ARHGEF17: variants seen among roughly 807,000 people sequenced by gnomAD.
ARHGEF17 encodes the protein Rho guanine nucleotide exchange factor 17, also known as 164 kDa Rho-specific guanine-nucleotide exchange factor.
In ARHGEF17, 80 loss-of-function variants were observed where a neutral mutation model predicts 174.0. That is an observed-to-expected ratio of 0.46 (90% CI 0.38 to 0.55). The LOEUF (loss-of-function observed/expected upper bound fraction) is 0.55, where lower values mean the gene tolerates loss of function less well. Among genes scored for constraint, ARHGEF17 ranks in the 20% least tolerant of loss-of-function variants. The pLI, the probability that ARHGEF17 is intolerant of heterozygous loss-of-function variation, is 0.00. For synonymous variants in ARHGEF17, 1,311 were observed against 1,189.1 expected, an observed-to-expected ratio of 1.10 and a Z score of -2.11; for missense variants, 2,886 against 2,839.7, an observed-to-expected ratio of 1.02 and a Z score of -0.37.
At chr11:73,322,859 G>A (rs1865038049) in intron 1 of ARHGEF17, among the ~76,000 whole-genome samples, 1 of 152,168 alleles carries the variant, frequency 6.6e-6, no homozygotes, top group African/African-American at 2.4e-5. Flanking sequence ...ACATGAGGGT[G>A]CGGGAACATG....
chr11:73,309,823 C>T lies in ARHGEF17; in HGVS notation c.1185C>T (p.Ser395=), dbSNP rs1254260240. Residue 395 remains serine, a synonymous_variant, in exon 1 of 21, where the codon AGC becomes AGT. Transcript: ENST00000263674. ...CCCGCGGTAGCAGCCGTTATTCCAG[C>T]ACGGAGACCCTCAAGGACGACGACC... ...AGSRGSSRYS[S]TETLKDDDLW... 5 of 1,613,072 alleles carry T rather than the reference C, an allele frequency of 3.1e-6. No homozygotes were observed. In the African/African-American group the frequency reaches 6.7e-5, roughly 22 times the overall value.
At chr11:73,336,895 C>T (rs1176920122) in intron 1 of ARHGEF17, among the ~76,000 whole-genome samples, 1 of 152,272 alleles carries the variant, frequency 6.6e-6, no homozygotes, top group Non-Finnish European at 1.5e-5. Context: ...CATACCTACA[C>T]ATGGCCCCTG....
At chr11:73,354,907 G>T (rs772579905) in intron 3 of ARHGEF17, among the ~76,000 whole-genome samples, 2 of 152,244 alleles carry the variant, frequency 1.3e-5, no homozygotes, top group African/African-American at 2.4e-5. Context: ...TGTATGTCCT[G>T]CCCTGAGCTG....
chr11:73,328,540 G>A (rs1865140503), intron 1 of ARHGEF17, among the ~76,000 whole-genome samples: 4 of 152,212 alleles, frequency 2.6e-5, no homozygotes, highest in Admixed American at 2.6e-4. Context: ...GGGGTTGAGC[G>A]TTTGGCTTGA....
chr11:73,357,924 G>A (rs989398068), intron 9 of ARHGEF17, among the ~76,000 whole-genome samples: 3 of 152,250 alleles, frequency 2.0e-5, no homozygotes, highest in Non-Finnish European at 2.9e-5. Flanking sequence ...CAGCTGGAGG[G>A]GAGCTCACCT....
intron 2 of ARHGEF17, among the ~76,000 whole-genome samples, chr11:73,352,478 G>A (rs572128910): frequency 6.6e-6 from 1 of 152,296 alleles, no homozygotes; most frequent in Admixed American, 6.5e-5. Flanking sequence ...ACAGTGCCTG[G>A]TACGTAGTAA....
Position 73,368,098 on chromosome 11 carries a change from G to A in ARHGEF17, c.*318G>A, listed in dbSNP as rs562781205. On this transcript the variant is annotated 3_prime_UTR_variant, in exon 21 of 21. Transcript: ENST00000263674. ...GGTCTGGACCCCACGGGGCTGGGGA[G>A]GGCCATGTGCAATATTTGGAGGGTT... The A allele has an allele frequency of 3.4e-6, 1 of 294,396 alleles. No individual in the cohort carries two copies. The highest frequency in any genetic ancestry group is 4.7e-5 in the Admixed American group (1 of 21,068). 18.2% of individuals were successfully genotyped at this position (294,396 alleles called of 1,614,324 possible).
chr11:73,364,637 G>A (rs1245414202), intron 18 of ARHGEF17, 37 bp downstream of exon 18: 1 of 1,589,388 alleles, frequency 6.3e-7, no homozygotes, highest in Non-Finnish European at 8.6e-7. Flanking sequence ...GGTGCCATGG[G>A]ATGAGCTAGG....
rs137855068 is a variant in ARHGEF17 at position 73,336,547 on chromosome 11, A to G, written c.3193-10336A>G. Among the ~76,000 whole-genome samples the G allele has an allele frequency of 2.6e-5, 4 of 152,334 alleles. No individual in the cohort carries two copies. In the South Asian group the frequency reaches 6.2e-4, roughly 24 times the overall value. ...TCCATCCTCCTTTCAGCCAGCAGGGACAGTTTCTGGAAGGAGTGGTGAGGT... is the reference window on the plus strand; with the variant it reads ...TCCATCCTCCTTTCAGCCAGCAGGGGCAGTTTCTGGAAGGAGTGGTGAGGT... On this transcript the variant is annotated intron_variant, in intron 1 of 20. Transcript: ENST00000263674.
chr11:73,351,670 C>CAG (rs1865556619), intron 2 of ARHGEF17, among the ~76,000 whole-genome samples: 2 of 152,098 alleles, frequency 1.3e-5, no homozygotes, highest in African/African-American at 4.8e-5. Context: ...CCACCTCCAC[C>CAG]TCCCAGGTTC....
Position 73,366,097 on chromosome 11 carries a change from G to A in ARHGEF17, c.5995+150G>A, listed in dbSNP as rs1007833740. Reference sequence around the variant, plus strand: ...GTGACAGGAAATACACCACGGAAGTGTCCAAATGAAATCTAGGATAGTTGT... The same window carrying A: ...GTGACAGGAAATACACCACGGAAGTATCCAAATGAAATCTAGGATAGTTGT... On this transcript the variant is annotated intron_variant, in intron 20 of 20. Coordinates refer to ENST00000263674, the MANE Select transcript of ARHGEF17 (RefSeq NM_014786.4). 37 of 1,075,918 alleles carry A rather than the reference G, an allele frequency of 3.4e-5. No individual in the cohort carries two copies. The African/African-American group carries it at 5.4e-4, about 16-fold the overall frequency. The allele number at this position is 1,075,918 out of a possible 1,614,324, so 66.6% of individuals were successfully genotyped here.
rs75890497 is a variant in ARHGEF17 at position 73,323,566 on chromosome 11, G to A, written c.3192+11736G>A. Among the ~76,000 whole-genome samples, 697 of 152,298 alleles carry A rather than the reference G, an allele frequency of 4.6e-3. 10 individuals carry two copies. Among genetic ancestry groups the A allele is most frequent in the African/African-American group, 0.016 (659 of 41,558 alleles). ...GGGAGAGGAGTGCCTCACACTGGGG[G>A]CCTGAGCGGAAAGCCTGCTTCCCTG... On this transcript the variant is annotated intron_variant, in intron 1 of 20. Transcript: ENST00000263674.
chr11:73,352,763 G>T (rs113550874), intron 2 of ARHGEF17, 67 bp from the exon 3 acceptor site: 35 of 1,555,932 alleles, frequency 2.2e-5, no homozygotes, highest in East Asian at 1.4e-4. Flanking sequence ...TCACACAGGG[G>T]CCCTGTGTAG....
intron 1 of ARHGEF17, among the ~76,000 whole-genome samples, chr11:73,345,354 C>G (rs1470050926): frequency 6.6e-6 from 1 of 152,096 alleles, no homozygotes; most frequent in Non-Finnish European, 1.5e-5. Flanking sequence ...TCCTCCCTGC[C>G]CCAAGGGGTG....
At chr11:73,333,629 G>T (rs545394059) in intron 1 of ARHGEF17, among the ~76,000 whole-genome samples, 2 of 152,314 alleles carry the variant, frequency 1.3e-5, no homozygotes, top group African/African-American at 4.8e-5. Flanking sequence ...AGTCCCCAGG[G>T]GCAGGGCTGG....
chr11:73,346,913 C>G lies in ARHGEF17; in HGVS notation c.3223C>G (p.Leu1075Val), dbSNP rs1865470936. Residue 1075 changes from leucine to valine, a missense_variant, in exon 2 of 21, where the codon CTG becomes GTG. Physicochemically the swap from Leu to Val is conservative, Grantham distance 32 (BLOSUM62 1). This residue lies in a region of ARHGEF17 where 353 missense variants were observed against 470.3 expected (regional missense o/e 0.75). Transcript: ENST00000263674. ...DMRKHVAMTL[L>V]DTEQSYVESL... The stretch of plus-strand genomic sequence containing the variant: ...GCGGAAGCACGTGGCCATGACCCTG[C>G]TGGACACAGAGCAGTCGTATGTGGA... The G allele has an allele frequency of 6.5e-7, 1 of 1,534,206 alleles. No individual in the cohort carries two copies. The highest frequency in any genetic ancestry group is 8.8e-7 in the Non-Finnish European group (1 of 1,133,508).
Position 73,355,894 on chromosome 11 carries a change from C to T in ARHGEF17, c.3604C>T (p.Leu1202=). ...SMRENKEKQA[L]SDLMIKPVQR... is the part of the protein sequence containing the mutation. ...GCGTGAGAACAAGGAGAAGCAGGCG[C>T]TGTCTGACCTCATGATCAAGCCTGT... Residue 1202 remains leucine (L), a synonymous_variant, in exon 5 of 21, where the codon CTG becomes TTG. Transcript: ENST00000263674. The T allele has an allele frequency of 6.2e-7, 1 of 1,614,214 alleles. No individual in the cohort carries two copies. The highest frequency in any genetic ancestry group is 8.5e-7 in the Non-Finnish European group (1 of 1,180,042).
chr11:73,355,823 A>G (rs1591756322), intron 4 of ARHGEF17, 38 bp from the exon 5 acceptor site: 1 of 1,612,438 alleles, frequency 6.2e-7, no homozygotes, highest in African/African-American at 1.3e-5. Flanking sequence ...TCTTCCTGGC[A>G]TGTCATTCCT....
intron 5 of ARHGEF17, 27 bp downstream of exon 5, chr11:73,355,980 G>A (rs779477095): frequency 1.2e-6 from 2 of 1,613,410 alleles, no homozygotes; most frequent in Non-Finnish European, 1.7e-6. Flanking sequence ...GTGGGCAAGT[G>A]GGCAAGGCCT....
Sources: allele counts gnomAD v4.1 joint callset (sites outside exome capture counted in the v4.1 genomes callset), GRCh38; gene constraint gnomAD v4.1.1; regional missense constraint gnomAD v4.1.1; transcripts MANE v1.5; gene names NCBI Gene and HGNC (gene_info 2026-07-23, HGNC 2026-07-21).